Variants in ANKS1B observed in about 807,000 individuals in gnomAD.
ANKS1B encodes the protein ankyrin repeat and sterile alpha motif domain-containing protein 1B.
Under a neutral mutation model 148.3 loss-of-function variants are expected in ANKS1B, and 36 were observed. The ratio of observed to expected loss-of-function variants is 0.24; its 90% CI spans 0.19 to 0.32. The LOEUF (loss-of-function observed/expected upper bound fraction) is 0.32. Ranked by LOEUF, ANKS1B falls within the 10% of genes least tolerant of loss-of-function variation. ANKS1B has a pLI of 1.00. For missense variants in ANKS1B, 1,157 were observed against 1,542.6 expected (o/e 0.75, Z 4.19); for synonymous variants, 542 against 560.8 (o/e 0.97, Z 0.47).
At chr12:99,779,802 G>A in intron 6 of ANKS1B, 69 bp downstream of exon 6, 3 of 1,229,752 alleles carry the variant, frequency 2.4e-6, no homozygotes, top group Non-Finnish European at 3.5e-6. Context: ...AAATCCAAAA[G>A]AAAACTGTAA....
At chr12:99,054,866 A>G (rs954755063) in intron 16 of ANKS1B, among the ~76,000 whole-genome samples, 2 of 152,238 alleles carry the variant, frequency 1.3e-5, no homozygotes, top group African/African-American at 4.8e-5. Flanking sequence ...TCTATTTTAA[A>G]GTTAGAGTAC....
intron 16 of ANKS1B, among the ~76,000 whole-genome samples, chr12:99,078,778 T>C (rs2048692875): frequency 7.5e-6 from 1 of 133,606 alleles, no homozygotes; most frequent in Non-Finnish European, 1.6e-5. Context: ...GTCCCCACCG[T>C]CTGGTATTCA....
chr12:99,183,505 T>C (rs181096969), intron 14 of ANKS1B, among the ~76,000 whole-genome samples: 73 of 152,192 alleles, frequency 4.8e-4, no homozygotes, highest in African/African-American at 1.7e-3. Context: ...TAGCCAGGCG[T>C]GGTGGTGGTC....
chr12:99,951,405 A>G (rs2095218215), intron 1 of ANKS1B, among the ~76,000 whole-genome samples: 1 of 152,190 alleles, frequency 6.6e-6, no homozygotes, highest in Non-Finnish European at 1.5e-5. Context: ...AAGGCTTCAT[A>G]ATAAACCATC....
At chr12:99,717,900 T>A (rs1039376001) in intron 8 of ANKS1B, among the ~76,000 whole-genome samples, 2 of 77,224 alleles carry the variant, frequency 2.6e-5, no homozygotes, top group Non-Finnish European at 4.9e-5. Flanking sequence ...GACAATACTC[T>A]TTTTTTTTTT....
intron 9 of ANKS1B, among the ~76,000 whole-genome samples, chr12:99,634,027 G>C (rs2098203422): frequency 6.6e-6 from 1 of 152,092 alleles, no homozygotes; most frequent in Non-Finnish European, 1.5e-5. Flanking sequence ...GCTATGATGT[G>C]GAAGAAATGG....
intron 15 of ANKS1B, among the ~76,000 whole-genome samples, chr12:99,150,855 G>C (rs2074671320): frequency 6.6e-6 from 1 of 151,916 alleles, no homozygotes; most frequent in African/African-American, 2.4e-5. Context: ...AAGCAGGAGG[G>C]AGGTGATGAT....
In ANKS1B at chr12:99,509,021, T is replaced by A. The variant is rs143095933; in HGVS notation, c.1273-4380A>T. Among the ~76,000 whole-genome samples the A allele has an allele frequency of 8.6e-3, 1,306 of 152,088 alleles. 7 individuals carry two copies. The highest frequency in any genetic ancestry group is 0.013 in the Non-Finnish European group (893 of 67,910). ...TTTTTCATTATTATTATATCTGTTATGGCCATCTGTGATCAGTGAGCTTTG... is the reference window on the plus strand; with the variant it reads ...TTTTTCATTATTATTATATCTGTTAAGGCCATCTGTGATCAGTGAGCTTTG... On this transcript the variant is annotated intron_variant, in intron 9 of 26. Coordinates refer to ENST00000683438, the MANE Select transcript of ANKS1B (RefSeq NM_001352186.2).
intron 22 of ANKS1B, chr12:98,794,625 A>G: frequency 2.4e-6 from 2 of 827,128 alleles, no homozygotes; most frequent in Non-Finnish European, 4.2e-6. Context: ...TGCGATCCTC[A>G]CAAAGTTAGG....
chr12:99,891,618 T>G (rs2093116463), intron 1 of ANKS1B, among the ~76,000 whole-genome samples: 1 of 152,228 alleles, frequency 6.6e-6, no homozygotes, highest in Admixed American at 6.5e-5. Flanking sequence ...CAGTGAAATG[T>G]CTATTAGAAT....
At chr12:99,838,901 AC>A (rs2153695549) in intron 1 of ANKS1B, among the ~76,000 whole-genome samples, 1 of 151,342 alleles carries the variant, frequency 6.6e-6, no homozygotes, top group African/African-American at 2.4e-5. Flanking sequence ...ATTTTTCTGT[AC>A]CTGTATTTCA....
intron 12 of ANKS1B, among the ~76,000 whole-genome samples, chr12:99,322,127 A>T (rs1055273798): frequency 6.6e-6 from 1 of 152,206 alleles, no homozygotes; most frequent in African/African-American, 2.4e-5. Context: ...TCAATGTTAG[A>T]CTGGATAAGA....
rs1253061282 is a variant in ANKS1B at position 99,443,798 on chromosome 12, C to T, written c.1450G>A (p.Glu484Lys). The change falls in exon 11 of 27, where the codon GAG (glutamate) becomes AAG (lysine). Residue 484 changes from glutamate (E) to lysine (K), a missense_variant. Coordinates refer to ENST00000683438, the MANE Select transcript of ANKS1B (RefSeq NM_001352186.2). ...GTTCCTGGAGTAGTAACTGCTACCT[C>T]AGAGGCATTATCTGTGAATAAAAAT... ...APSPRTDNAS[E>K]VAVTTPGTSN... is the part of the protein sequence containing the mutation. The T allele has an allele frequency of 6.8e-6, 11 of 1,610,392 alleles. No homozygotes were observed. Among genetic ancestry groups the T allele is most frequent in the Non-Finnish European group, 9.3e-6 (11 of 1,177,892 alleles).
At chr12:99,899,357 C>G (rs2093502803) in intron 1 of ANKS1B, among the ~76,000 whole-genome samples, 1 of 152,084 alleles carries the variant, frequency 6.6e-6, no homozygotes, top group Non-Finnish European at 1.5e-5. Flanking sequence ...GACTCTGATC[C>G]TAGTTTAATA....
intron 17 of ANKS1B, among the ~76,000 whole-genome samples, chr12:98,912,577 C>G (rs1197790758): frequency 6.6e-6 from 1 of 152,198 alleles, no homozygotes; most frequent in Non-Finnish European, 1.5e-5. Context: ...AATCTGTGAA[C>G]TCTGAAGTTT....
At chr12:98,909,405 G>C (rs954799597) in intron 17 of ANKS1B, among the ~76,000 whole-genome samples, 1 of 152,176 alleles carries the variant, frequency 6.6e-6, no homozygotes, top group Non-Finnish European at 1.5e-5. Context: ...GCTCAGAGAG[G>C]CTAAGAAACT....
chr12:99,637,041 C>T (rs2098244479), intron 9 of ANKS1B, among the ~76,000 whole-genome samples: 1 of 152,148 alleles, frequency 6.6e-6, no homozygotes, highest in Non-Finnish European at 1.5e-5. Flanking sequence ...TGTGGTGGCT[C>T]ACACCTGTAA....
intron 8 of ANKS1B, among the ~76,000 whole-genome samples, chr12:99,672,254 T>A (rs1599347565): frequency 6.6e-6 from 1 of 152,232 alleles, no homozygotes; most frequent in South Asian, 2.1e-4. Context: ...ATCAGCAACT[T>A]CTGACTTACC....
At chr12:99,634,307 G>A (rs1362334747) in intron 9 of ANKS1B, among the ~76,000 whole-genome samples, 1 of 152,050 alleles carries the variant, frequency 6.6e-6, no homozygotes, top group African/African-American at 2.4e-5. Flanking sequence ...AGAGAGACCT[G>A]AGAGAGCACA....
Sources: allele counts gnomAD v4.1 joint callset (sites outside exome capture counted in the v4.1 genomes callset), GRCh38; gene constraint gnomAD v4.1.1; transcripts MANE v1.5; gene names NCBI Gene and HGNC (gene_info 2026-07-23, HGNC 2026-07-21).